The following CORO2B variants were observed in gnomAD, a reference collection of about 807,000 sequenced individuals.
CORO2B encodes the protein coronin-2B.
In CORO2B, 26 loss-of-function variants were observed where a neutral mutation model predicts 58.8. That is an observed-to-expected ratio of 0.44 (90% CI 0.32 to 0.61). CORO2B has a LOEUF of 0.61. Ranked by LOEUF, CORO2B falls within the 20% of genes least tolerant of loss-of-function variation. The pLI, the probability that CORO2B is intolerant of heterozygous loss-of-function variation, is 0.04. For synonymous variants in CORO2B, 242 were observed against 253.8 expected (o/e 0.95, Z 0.44); for missense variants, 460 against 645.1 (o/e 0.71, Z 3.11).
intron 1 of CORO2B, among the ~76,000 whole-genome samples, chr15:68,602,407 TCACACACACACACACA>T (rs370587519): frequency 1.4e-4 from 20 of 139,056 alleles, no homozygotes; most frequent in South Asian, 7.3e-4. Flanking sequence ...TAGGGGCTGA[TCACACACACACACACA>T]CACACACACA....
intron 1 of CORO2B, among the ~76,000 whole-genome samples, chr15:68,624,037 G>A (rs1900605563): frequency 6.6e-6 from 1 of 152,170 alleles, no homozygotes; most frequent in African/African-American, 2.4e-5. Flanking sequence ...ACTTGAGACA[G>A]ACTTAAAGGA....
intron 2 of CORO2B, among the ~76,000 whole-genome samples, chr15:68,675,531 A>C (rs971977052): frequency 6.6e-6 from 1 of 152,158 alleles, no homozygotes; most frequent in African/African-American, 2.4e-5. Context: ...TTTGCCACTT[A>C]GTTGCTGCGT....
At chr15:68,524,326 G>A in the CORO2B span, among the ~76,000 whole-genome samples, 1 of 152,148 alleles carries the variant, frequency 6.6e-6, no homozygotes, top group African/African-American at 2.4e-5. Flanking sequence ...TATGACTCTT[G>A]TAGCTTTTAA....
intron 2 of CORO2B, among the ~76,000 whole-genome samples, chr15:68,683,226 C>T (rs970027873): frequency 1.3e-5 from 2 of 152,250 alleles, no homozygotes; most frequent in East Asian, 1.9e-4. Context: ...GGGAGGGGTT[C>T]CTGATGTTCA....
chr15:68,678,456 C>A (rs1271844852), intron 2 of CORO2B, among the ~76,000 whole-genome samples: 1 of 152,088 alleles, frequency 6.6e-6, no homozygotes, highest in East Asian at 1.9e-4. Context: ...GGCAGATCAC[C>A]TGAGGTCAGG....
chr15:68,548,191 G>A, the CORO2B span, among the ~76,000 whole-genome samples: 97 of 72,514 alleles, frequency 1.3e-3, no homozygotes, highest in African/African-American at 4.7e-3. Context: ...ATATATATAT[G>A]TGTGTGTGTG....
intron 1 of CORO2B, among the ~76,000 whole-genome samples, chr15:68,607,673 C>A (rs540549621): frequency 1.3e-5 from 2 of 152,110 alleles, no homozygotes; most frequent in South Asian, 4.2e-4. Context: ...TAAAAATCAG[C>A]CAGGTGCAGT....
intron 1 of CORO2B, among the ~76,000 whole-genome samples, chr15:68,592,258 A>G (rs549063421): frequency 4.6e-5 from 7 of 152,210 alleles, no homozygotes; most frequent in Non-Finnish European, 8.8e-5. Flanking sequence ...GTTCATTGTC[A>G]TACATGTGGT....
In CORO2B at chr15:68,633,514, T is replaced by TACACACACACACACAC. The variant is rs147873341; in HGVS notation, c.16-11629_16-11614dup. Reference sequence around the variant, plus strand: ...CCAAGAGGAAATGGTTACTCCAACATACACACACACACACACACACACACA... The same window carrying TACACACACACACACAC: ...CCAAGAGGAAATGGTTACTCCAACATACACACACACACACACACACACACACACACACACACACACA... On this transcript the variant is annotated intron_variant, in intron 1 of 11. Coordinates refer to ENST00000261861, the MANE Select transcript of CORO2B (RefSeq NM_006091.5). 3.9e-3 allele frequency among the ~76,000 whole-genome samples: 564 copies of TACACACACACACACAC among 144,050 alleles called. 5 individuals carry two copies. Among genetic ancestry groups the TACACACACACACACAC allele is most frequent in the African/African-American group, 7.5e-3 (290 of 38,730 alleles). 94.5% of individuals were successfully genotyped at this position (144,050 alleles called of 152,430 possible).
the CORO2B span, among the ~76,000 whole-genome samples, chr15:68,521,679 C>T: frequency 6.6e-6 from 1 of 151,900 alleles, no homozygotes; most frequent in African/African-American, 2.4e-5. Context: ...GATATCATTC[C>T]ATTGTCTTCT....
At position 68,695,259 on chromosome 15, in the gene CORO2B, G is replaced by A; in HGVS notation, c.333+3G>A. Reference sequence around the variant, plus strand: ...CCTCGTGCTCGGAGGACACGTCGGTGAGCAGAGGGGTGCTCCCGGAGGAGG... The same window carrying A: ...CCTCGTGCTCGGAGGACACGTCGGTAAGCAGAGGGGTGCTCCCGGAGGAGG... On this transcript the variant is annotated splice_donor_region_variant and intron_variant, in intron 3 of 11. Coordinates refer to ENST00000261861, the MANE Select transcript of CORO2B (RefSeq NM_006091.5). 1 of 1,609,636 alleles carries A rather than the reference G, an allele frequency of 6.2e-7. No homozygotes were observed. The highest frequency in any genetic ancestry group is 8.5e-7 in the Non-Finnish European group (1 of 1,176,330).
chr15:68,613,903 A>G (rs1900295473), intron 1 of CORO2B, among the ~76,000 whole-genome samples: 1 of 152,192 alleles, frequency 6.6e-6, no homozygotes. Context: ...TTCAATTATA[A>G]ATTGCTGTGA....
the CORO2B span, among the ~76,000 whole-genome samples, chr15:68,525,488 T>G: frequency 6.6e-6 from 1 of 152,360 alleles, no homozygotes; most frequent in Admixed American, 6.5e-5. Context: ...CAGCTGAAGC[T>G]AACTCGATTC....
At position 68,711,643 on chromosome 15, in the gene CORO2B, C is replaced by T. The variant is rs369834620; in HGVS notation, c.585C>T (p.Leu195=). Reference sequence around the variant, plus strand: ...CCTTCAACACGGACGGCAGCCTGCTCACCACCACGTGCAAGGACAAGAAGC... The same window carrying T: ...CCTTCAACACGGACGGCAGCCTGCTTACCACCACGTGCAAGGACAAGAAGC... ...CMSFNTDGSL[L]TTTCKDKKLR... is the part of the protein sequence containing the mutation. The change falls in exon 5 of 12, where the codon CTC becomes CTT. Residue 195 remains leucine, a synonymous_variant. Transcript: ENST00000261861. 43 of 1,614,014 alleles carry T rather than the reference C, an allele frequency of 2.7e-5. No homozygotes were observed. Among genetic ancestry groups the T allele is most frequent in the Non-Finnish European group, 3.5e-5 (41 of 1,179,996 alleles).
chr15:68,724,346 C>G (rs1037818735), intron 11 of CORO2B, among the ~76,000 whole-genome samples: 2 of 152,218 alleles, frequency 1.3e-5, no homozygotes, highest in African/African-American at 4.8e-5. Flanking sequence ...ACCTTAACTC[C>G]CATTTCCAGT....
Position 68,692,409 on chromosome 15 carries a change from AC to A in CORO2B, c.217-2727del, listed in dbSNP as rs1892401110. Among the ~76,000 whole-genome samples, 3 of 151,624 alleles carry A rather than the reference AC, an allele frequency of 2.0e-5. No individual in the cohort carries two copies. In the South Asian group the frequency reaches 6.3e-4, roughly 32 times the overall value. On this transcript the variant is annotated intron_variant, in intron 2 of 11. Transcript: ENST00000261861. ...AAACCAGCCCAGCCAACACAGGGAAACCCCATCTCTACTAAAAATATAAAAA... is the reference window on the plus strand; with the variant it reads ...AAACCAGCCCAGCCAACACAGGGAAACCCATCTCTACTAAAAATATAAAAA...
chr15:68,695,806 A>G (rs767179215), intron 3 of CORO2B, among the ~76,000 whole-genome samples: 26 of 152,280 alleles, frequency 1.7e-4, no homozygotes, highest in Middle Eastern at 3.4e-3. Flanking sequence ...CAATGAGAAG[A>G]GAGAAGAAAC....
At chr15:68,637,750 C>A (rs1014267205) in intron 1 of CORO2B, among the ~76,000 whole-genome samples, 1 of 151,702 alleles carries the variant, frequency 6.6e-6, no homozygotes, top group Non-Finnish European at 1.5e-5. Context: ...GGGCTCCCCC[C>A]ACATTACACA....
chr15:68,630,457 A>G (rs1320371307), intron 1 of CORO2B, among the ~76,000 whole-genome samples: 1 of 151,824 alleles, frequency 6.6e-6, no homozygotes, highest in Non-Finnish European at 1.5e-5. Flanking sequence ...CAGGCCTGCT[A>G]GGCTTGGGTG....
Sources: gnomAD v4.1 joint callset for allele counts (sites outside exome capture counted in the v4.1 genomes callset) on GRCh38, gnomAD v4.1.1 for gene constraint, MANE v1.5 for transcripts, NCBI Gene and HGNC (gene_info 2026-07-23, HGNC 2026-07-21) for gene names.